Variants in UNC80 observed in about 807,000 individuals in gnomAD.
UNC80 encodes the protein protein unc-80 homolog.
Under a neutral mutation model 384.6 loss-of-function variants are expected in UNC80, and 164 were observed. The ratio of observed to expected loss-of-function variants is 0.43; its 90% CI spans 0.38 to 0.49. The LOEUF (loss-of-function observed/expected upper bound fraction) is 0.49. Ranked by LOEUF, UNC80 falls within the 20% of genes least tolerant of loss-of-function variation. The probability of loss-of-function intolerance (pLI) is 0.00; values close to 1 mark genes in which losing one functional copy is unlikely to be tolerated. For missense variants in UNC80, 3,330 were observed against 4,143.0 expected (o/e 0.80, Z 5.39); for synonymous variants, 1,486 against 1,527.8 (o/e 0.97, Z 0.64).
At chr2:209,987,977 A>G (rs1051533541) in intron 61 of UNC80, among the ~76,000 whole-genome samples, 1 of 152,234 alleles carries the variant, frequency 6.6e-6, no homozygotes, top group Non-Finnish European at 1.5e-5. Context: ...ATCAATTCTC[A>G]CAGGATATCT....
At chr2:209,813,451 G>C in intron 7 of UNC80, 129 bp from the exon 8 acceptor site, 1 of 991,592 alleles carries the variant, frequency 1.0e-6, no homozygotes, top group Non-Finnish European at 1.4e-6. Flanking sequence ...GGATATTAGA[G>C]TAAACTACGT....
At chr2:209,891,128 C>G (rs1330416989) in intron 26 of UNC80, among the ~76,000 whole-genome samples, 2 of 152,060 alleles carry the variant, frequency 1.3e-5, no homozygotes, top group Non-Finnish European at 2.9e-5. Flanking sequence ...AGGAATAGCC[C>G]TGTATAGAGA....
intron 60 of UNC80, chr2:209,982,972 A>AC: frequency 6.6e-6 from 1 of 151,424 alleles, no homozygotes; most frequent in Non-Finnish European, 1.5e-5. Flanking sequence ...ACACACACAC[A>AC]ATGAAAGTAT....
chr2:209,773,668 T>A (rs1040215807), intron 2 of UNC80, among the ~76,000 whole-genome samples: 1 of 151,994 alleles, frequency 6.6e-6, no homozygotes, highest in Non-Finnish European at 1.5e-5. Context: ...TGGTGTAGGG[T>A]GTTTTTGCCA....
At position 209,813,708 on chromosome 2, in the gene UNC80, TA is replaced by T; in HGVS notation, c.1068del (p.Gln357LysfsTer37). Reference protein sequence around the residue: ...EGTQWSLMYYLQRLRHMLEEK... With the variant: ...EGTQWSLMYYXQRLRHMLEEK... ...ACTCAGTGGTCTCTGATGTACTATC[TA>T]CAAAGGCTGCGACACATGTTGGAAG... On this transcript the variant is annotated frameshift_variant, in exon 8 of 65. Transcript: ENST00000673920. LOFTEE classifies it high-confidence loss of function. The T allele has an allele frequency of 6.4e-7, 1 of 1,551,762 alleles. No homozygotes were observed. The highest frequency in any genetic ancestry group is 8.7e-7 in the Non-Finnish European group (1 of 1,147,014).
chr2:209,895,047 C>A (rs1407211490), intron 27 of UNC80, among the ~76,000 whole-genome samples: 1 of 152,144 alleles, frequency 6.6e-6, no homozygotes, highest in African/African-American at 2.4e-5. Context: ...GTGTTAAACA[C>A]CTGAGAATGA....
chr2:209,903,482 TGTA>T, intron 28 of UNC80, among the ~76,000 whole-genome samples: 1 of 110,946 alleles, frequency 9.0e-6, no homozygotes, highest in African/African-American at 3.5e-5. Flanking sequence ...ATAGTATATA[TGTA>T]ATATATATAT....
In UNC80 at chr2:209,817,909, G is replaced by T; in HGVS notation, c.1650G>T (p.Leu550=). The T allele has an allele frequency of 6.4e-7, 1 of 1,551,660 alleles. No homozygotes were observed. The highest frequency in any genetic ancestry group is 2.4e-5 in the East Asian group (1 of 40,918). ...CCCATCACACCCTGGTAAGCGACCT[G>T]CCGGACCCCTCCAACAGCCATGGAG... ...SHSHHTLVSD[L]PDPSNSHGEN... is the part of the protein sequence containing the mutation. The change falls in exon 11 of 65, where the codon CTG becomes CTT. Residue 550 remains leucine, a synonymous_variant. Transcript: ENST00000673920.
At chr2:209,954,847 A>T (rs905833980) in intron 48 of UNC80, among the ~76,000 whole-genome samples, 2 of 152,136 alleles carry the variant, frequency 1.3e-5, no homozygotes, top group African/African-American at 4.8e-5. Context: ...AAATTTGGGA[A>T]TGGTAAGGTA....
intron 29 of UNC80, among the ~76,000 whole-genome samples, chr2:209,905,881 A>G (rs2088134969): frequency 6.6e-6 from 1 of 152,198 alleles, no homozygotes; most frequent in African/African-American, 2.4e-5. Context: ...CTGCCAGGGA[A>G]GGCCTAAATT....
chr2:209,908,557 A>G (rs554597634), intron 29 of UNC80, among the ~76,000 whole-genome samples: 1 of 152,256 alleles, frequency 6.6e-6, no homozygotes, highest in Non-Finnish European at 1.5e-5. Context: ...GTTAATTTAA[A>G]AAAGGAGCAG....
chr2:209,976,483 A>G lies in UNC80; in HGVS notation c.8772+180A>G, dbSNP rs2093016935. ...ATATATTCCAGAGGATAAAAATTTCACACTAGAAATGCCTTCACAGTAAGA... is the reference window on the plus strand; with the variant it reads ...ATATATTCCAGAGGATAAAAATTTCGCACTAGAAATGCCTTCACAGTAAGA... On this transcript the variant is annotated intron_variant, in intron 57 of 64. Transcript: ENST00000673920. The surrounding 1 kb of genome is among the most constrained non-coding windows in gnomAD (Gnocchi z 4.3). Among the ~76,000 whole-genome samples the G allele has an allele frequency of 6.6e-6, 1 of 152,134 alleles. No homozygotes were observed. The highest frequency in any genetic ancestry group is 1.5e-5 in the Non-Finnish European group (1 of 68,032).
At chr2:209,933,346 C>A (rs1383751382) in intron 38 of UNC80, among the ~76,000 whole-genome samples, 1 of 151,916 alleles carries the variant, frequency 6.6e-6, no homozygotes, top group Non-Finnish European at 1.5e-5. Flanking sequence ...ACACATTTAC[C>A]TATGTAACAA....
At chr2:209,922,422 T>C (rs565280791) in intron 35 of UNC80, 39 bp downstream of exon 35, 57 of 1,540,068 alleles carry the variant, frequency 3.7e-5, no homozygotes, top group Admixed American at 3.4e-4. Flanking sequence ...TCCTGACTTA[T>C]GTGTTTTGAA....
chr2:209,818,950 G>A (rs754078723), intron 11 of UNC80, 43 bp from the exon 12 acceptor site: 12 of 1,534,674 alleles, frequency 7.8e-6, no homozygotes, highest in South Asian at 2.5e-5. Context: ...TGGTATTGTA[G>A]GTTAATGTAG....
chr2:209,951,430 T>A (rs1482345783), intron 47 of UNC80: 1 of 151,668 alleles, frequency 6.6e-6, no homozygotes, highest in East Asian at 2.0e-4. Flanking sequence ...CCCAAATAGC[T>A]GGGACTACAG....
chr2:209,817,153 C>A (rs758136887), intron 10 of UNC80, 28 bp downstream of exon 10: 1 of 1,543,952 alleles, frequency 6.5e-7, no homozygotes. Context: ...CAAAATAGGG[C>A]AGAGTTTAAG....
chr2:209,931,484 A>C (rs1411490860), intron 38 of UNC80, among the ~76,000 whole-genome samples: 1 of 151,452 alleles, frequency 6.6e-6, no homozygotes, highest in East Asian at 2.0e-4. Flanking sequence ...TGTCTATGAC[A>C]GTTTTAACTG....
chr2:209,993,629 T>TA (rs1348283916), intron 63 of UNC80, among the ~76,000 whole-genome samples: 1 of 152,118 alleles, frequency 6.6e-6, no homozygotes, highest in East Asian at 1.9e-4. Flanking sequence ...CCCATGAACC[T>TA]ATAAAAAATG....
Sources: allele counts gnomAD v4.1 joint callset (sites outside exome capture counted in the v4.1 genomes callset), GRCh38; gene constraint gnomAD v4.1.1; non-coding constraint Gnocchi (gnomAD v3.1); transcripts MANE v1.5; gene names NCBI Gene and HGNC (gene_info 2026-07-23, HGNC 2026-07-21).